EIF3E: variants seen among roughly 807,000 people sequenced by gnomAD.
The protein encoded by EIF3E is eIF-3 p48.
EIF3E carries 25 observed loss-of-function variants against 59.3 expected under a neutral mutation model. The ratio of observed to expected loss-of-function variants is 0.42; its 90% CI spans 0.31 to 0.59. The LOEUF is 0.59. EIF3E is among the 20% of genes least tolerant of loss of function. The probability of loss-of-function intolerance (pLI) is 0.15; values close to 1 mark genes in which losing one functional copy is unlikely to be tolerated. For missense variants in EIF3E, 317 were observed against 534.3 expected (o/e 0.59, Z 4.01); for synonymous variants, 176 against 170.2 (o/e 1.03, Z -0.26).
chr8:108,220,103 A>T (rs866279858), intron 7 of EIF3E, among the ~76,000 whole-genome samples: 1 of 151,974 alleles, frequency 6.6e-6, no homozygotes, highest in South Asian at 2.1e-4. Flanking sequence ...AGATGGTGCC[A>T]CTGCACTCCA....
At chr8:108,228,635 A>C (rs899907927) in intron 6 of EIF3E, among the ~76,000 whole-genome samples, 1 of 152,184 alleles carries the variant, frequency 6.6e-6, no homozygotes, top group Non-Finnish European at 1.5e-5. Context: ...TCTAATTTAT[A>C]AACTCTTACA....
At chr8:108,230,681 T>A (rs1392195853) in intron 5 of EIF3E, among the ~76,000 whole-genome samples, 1 of 152,140 alleles carries the variant, frequency 6.6e-6, no homozygotes, top group Non-Finnish European at 1.5e-5. Flanking sequence ...CTAGTTATTA[T>A]CACAAAGTAT....
At chr8:108,209,578 C>G (rs914164173) in intron 10 of EIF3E, among the ~76,000 whole-genome samples, 2 of 152,002 alleles carry the variant, frequency 1.3e-5, no homozygotes, top group African/African-American at 4.8e-5. Flanking sequence ...TGAAAGTGTA[C>G]TCACTACTTT....
chr8:108,236,951 G>A (rs192820952), intron 3 of EIF3E, among the ~76,000 whole-genome samples: 3,034 of 152,090 alleles, frequency 0.02, 87 homozygotes, highest in African/African-American at 0.066. Flanking sequence ...GAACCTGGGA[G>A]GTGGAGGTTG....
At chr8:108,221,238 C>G (rs1272759685) in intron 7 of EIF3E, among the ~76,000 whole-genome samples, 6 of 152,198 alleles carry the variant, frequency 3.9e-5, no homozygotes, top group Admixed American at 1.3e-4. Flanking sequence ...ACTACTCAGT[C>G]TCCCAGGCTC....
At chr8:108,236,472 A>C (rs191334775) in intron 3 of EIF3E, among the ~76,000 whole-genome samples, 11 of 152,346 alleles carry the variant, frequency 7.2e-5, no homozygotes, top group Admixed American at 1.3e-4. Context: ...TAAGGCCTTT[A>C]ACAGTTTGTC....
intron 7 of EIF3E, among the ~76,000 whole-genome samples, chr8:108,219,461 T>C (rs186749492): frequency 6.6e-6 from 1 of 152,354 alleles, no homozygotes. Flanking sequence ...ATGGAATTCT[T>C]TCACTGGGAA....
rs1179034087 is a variant in EIF3E, at chr8:108,201,489, G to C, written c.*396C>G. ...ATCATGATGATAGTTCTCTATCTTG[G>C]CTGCAGTGATGGTTACACAAATCTA... On this transcript the variant is annotated 3_prime_UTR_variant, in exon 13 of 13. Coordinates refer to ENST00000220849, the MANE Select transcript of EIF3E (RefSeq NM_001568.3). The C allele has an allele frequency of 6.6e-6, 1 of 152,496 alleles. No individual in the cohort carries two copies. The highest frequency in any genetic ancestry group is 1.5e-5 in the Non-Finnish European group (1 of 68,718). 9.4% of individuals were successfully genotyped at this position (152,496 alleles called of 1,614,324 possible).
intron 3 of EIF3E, among the ~76,000 whole-genome samples, chr8:108,239,746 A>G (rs1815801322): frequency 6.6e-6 from 1 of 152,166 alleles, no homozygotes; most frequent in Admixed American, 6.5e-5. Context: ...AGTACTAAAG[A>G]AGTTTTTTTT....
chr8:108,204,776 G>A (rs1339455384), intron 10 of EIF3E, among the ~76,000 whole-genome samples: 1 of 124,580 alleles, frequency 8.0e-6, no homozygotes. Flanking sequence ...GAGAGAGAGA[G>A]AGAGACAGAG....
At chr8:108,232,862 A>C (rs1346660274) in intron 5 of EIF3E, among the ~76,000 whole-genome samples, 1 of 151,266 alleles carries the variant, frequency 6.6e-6, no homozygotes, top group Non-Finnish European at 1.5e-5. Context: ...TCACTCACTG[A>C]CCAGCAACAA....
chr8:108,203,191 A>C, intron 11 of EIF3E, 74 bp from the exon 12 acceptor site: 1 of 1,535,116 alleles, frequency 6.5e-7, no homozygotes, highest in East Asian at 2.3e-5. Context: ...AAAGCATGAC[A>C]TACCTTTGCG....
rs1260895623 is a variant in EIF3E at position 108,210,019 on chromosome 8, T to A, written c.1061+4588A>T. On this transcript the variant is annotated intron_variant, in intron 10 of 12. Transcript: ENST00000220849. ...ATCATTTCTTACAACTGATACATAA[T>A]CATCTCAAAATAAACAGTTTAACTT... Among the ~76,000 whole-genome samples the A allele has an allele frequency of 2.0e-5, 3 of 151,006 alleles. No individual in the cohort carries two copies. In the South Asian group the frequency reaches 6.4e-4, roughly 32 times the overall value.
At chr8:108,221,164 T>A (rs1425162561) in intron 7 of EIF3E, among the ~76,000 whole-genome samples, 2 of 151,968 alleles carry the variant, frequency 1.3e-5, no homozygotes, top group East Asian at 3.9e-4. Flanking sequence ...GACACTTAAC[T>A]GAAAAAAAAA....
intron 1 of EIF3E, among the ~76,000 whole-genome samples, chr8:108,243,092 A>G (rs1412753179): frequency 1.3e-5 from 2 of 152,168 alleles, no homozygotes; most frequent in Non-Finnish European, 2.9e-5. Context: ...AAATGAGAAA[A>G]CAAACCACAG....
chr8:108,248,012 G>A (rs902358351), intron 1 of EIF3E, among the ~76,000 whole-genome samples: 2 of 143,454 alleles, frequency 1.4e-5, no homozygotes, highest in Admixed American at 7.1e-5. Flanking sequence ...TTAAAGATTG[G>A]AGGGATTTTT....
At chr8:108,213,199 A>G (rs1018406484) in intron 10 of EIF3E, among the ~76,000 whole-genome samples, 1 of 152,242 alleles carries the variant, frequency 6.6e-6, no homozygotes, top group Admixed American at 6.5e-5. Flanking sequence ...CAAGAAAGAA[A>G]ATAATGAATA....
At chr8:108,222,436 G>A (rs1373320779) in intron 7 of EIF3E, among the ~76,000 whole-genome samples, 1 of 152,170 alleles carries the variant, frequency 6.6e-6, no homozygotes, top group Non-Finnish European at 1.5e-5. Flanking sequence ...TCTATATATA[G>A]ATAAGGAGAG....
intron 1 of EIF3E, chr8:108,242,675 C>T: frequency 8.9e-7 from 1 of 1,124,572 alleles, no homozygotes; most frequent in South Asian, 2.2e-5. Context: ...TCGAACCTTC[C>T]AAATTACATG....
Sources: gnomAD v4.1 joint callset for allele counts (sites outside exome capture counted in the v4.1 genomes callset) on GRCh38, gnomAD v4.1.1 for gene constraint, MANE v1.5 for transcripts, NCBI Gene and HGNC (gene_info 2026-07-23, HGNC 2026-07-21) for gene names.